SUCLG1: variants seen among roughly 807,000 people sequenced by gnomAD.
SUCLG1 encodes succinate--CoA ligase [ADP/GDP-forming] subunit alpha, mitochondrial.
Under a neutral mutation model 37.3 loss-of-function variants are expected in SUCLG1, and 26 were observed. That is an observed-to-expected ratio of 0.70 (90% CI 0.51 to 0.97). The LOEUF is 0.97. Among genes scored for constraint, SUCLG1 ranks in the 50% least tolerant of loss-of-function variants. The pLI is 0.00. For missense variants in SUCLG1, 433 were observed against 432.9 expected, an observed-to-expected ratio of 1.00 and a Z score of 0.00; for synonymous variants, 163 against 155.6, an observed-to-expected ratio of 1.05 and a Z score of -0.36.
chr2:84,433,939 C>T (rs1189452931), intron 5 of SUCLG1, among the ~76,000 whole-genome samples: 1 of 152,086 alleles, frequency 6.6e-6, no homozygotes, highest in Non-Finnish European at 1.5e-5. Flanking sequence ...GCTTAGTGAC[C>T]TCTCCATGGT....
chr2:84,458,184 T>C (rs1398814406), intron 1 of SUCLG1, among the ~76,000 whole-genome samples: 5 of 152,028 alleles, frequency 3.3e-5, no homozygotes, highest in African/African-American at 1.2e-4. Flanking sequence ...TTTTTCACTT[T>C]TTAAAAAACC....
intron 7 of SUCLG1, among the ~76,000 whole-genome samples, chr2:84,429,549 C>G (rs991130900): frequency 1.3e-5 from 2 of 152,068 alleles, no homozygotes; most frequent in African/African-American, 2.4e-5. Context: ...CAGTCCATAA[C>G]ACAGTCTAGA....
At chr2:84,451,954 C>T (rs1025902622) in intron 1 of SUCLG1, among the ~76,000 whole-genome samples, 5 of 152,138 alleles carry the variant, frequency 3.3e-5, no homozygotes, top group African/African-American at 1.2e-4. Context: ...GATCACATTC[C>T]ATCCTGACAA....
chr2:84,425,224 A>G (rs1672514412), intron 8 of SUCLG1, among the ~76,000 whole-genome samples, 191 bp downstream of exon 8: 2 of 152,378 alleles, frequency 1.3e-5, no homozygotes, highest in East Asian at 1.9e-4. Context: ...GCTTTAAAAT[A>G]AGAACATTAT....
intron 1 of SUCLG1, among the ~76,000 whole-genome samples, chr2:84,454,431 C>A (rs1000298999): frequency 6.6e-6 from 1 of 152,152 alleles, no homozygotes; most frequent in African/African-American, 2.4e-5. Context: ...ACAGATACAG[C>A]AAGTGTTATA....
chr2:84,428,844 A>G (rs573017413), intron 7 of SUCLG1, among the ~76,000 whole-genome samples: 1 of 152,300 alleles, frequency 6.6e-6, no homozygotes, highest in Non-Finnish European at 1.5e-5. Context: ...AACTCCTTCA[A>G]TCTGACACCT....
At chr2:84,426,347 T>A (rs1672535637) in intron 7 of SUCLG1, 1 of 148,984 alleles carries the variant, frequency 6.7e-6, no homozygotes, top group Non-Finnish European at 1.5e-5. Flanking sequence ...AGAAATAATA[T>A]AAAATATGTA....
At chr2:84,457,817 G>T (rs1673046861) in intron 1 of SUCLG1, among the ~76,000 whole-genome samples, 1 of 152,064 alleles carries the variant, frequency 6.6e-6, no homozygotes, top group Non-Finnish European at 1.5e-5. Context: ...TGGGTATAAT[G>T]AATTCTTTTT....
In SUCLG1 at chr2:84,459,210, G is replaced by A. The variant is rs938115007; in HGVS notation, c.60C>T (p.Gly20=). 3.2e-6 allele frequency: 5 copies of A among 1,550,010 alleles called. No homozygotes were observed. In the South Asian group the frequency reaches 3.6e-5, roughly 11 times the overall value. ...DIATMVSGSS[G]LAAARLLSRS... is the part of the protein sequence containing the mutation. ...GCGACAGGAGACGGGCGGCGGCGAG[G>A]CCGCTGCTGCCGGAGACCATGGTAG... The change falls in exon 1 of 9, where the codon GGC becomes GGT. Residue 20 remains glycine, a synonymous_variant. Coordinates refer to ENST00000393868, the MANE Select transcript of SUCLG1 (RefSeq NM_003849.4).
intron 1 of SUCLG1, among the ~76,000 whole-genome samples, chr2:84,454,589 T>C (rs1160559693): frequency 1.3e-5 from 2 of 152,098 alleles, no homozygotes; most frequent in Non-Finnish European, 1.5e-5. Context: ...CCACATGAAG[T>C]TTCCTGCCCT....
chr2:84,458,806 G>C (rs1673085268), intron 1 of SUCLG1, among the ~76,000 whole-genome samples: 1 of 152,086 alleles, frequency 6.6e-6, no homozygotes, highest in Non-Finnish European at 1.5e-5. Flanking sequence ...TCCCCACCAA[G>C]TTCACCTTGG....
intron 5 of SUCLG1, among the ~76,000 whole-genome samples, chr2:84,435,997 A>G (rs1191479170): frequency 6.6e-6 from 1 of 152,178 alleles, no homozygotes; most frequent in Middle Eastern, 3.2e-3. Context: ...CTCTTGGTTG[A>G]ATTTTTTCTT....
chr2:84,444,347 G>A (rs970311541), intron 2 of SUCLG1, among the ~76,000 whole-genome samples: 4 of 152,172 alleles, frequency 2.6e-5, no homozygotes, highest in Non-Finnish European at 5.9e-5. Flanking sequence ...CTGGGTGTCC[G>A]GGGAAGACAT....
At chr2:84,450,412 G>GA (rs79027896) in intron 1 of SUCLG1, among the ~76,000 whole-genome samples, 1,684 of 103,354 alleles carry the variant, frequency 0.016, 16 homozygotes, top group Middle Eastern at 0.044. Flanking sequence ...AGCTTGTTAG[G>GA]AAAAAAAAAA....
chr2:84,433,474 C>A, intron 5 of SUCLG1, 39 bp from the exon 6 acceptor site: 2 of 1,540,242 alleles, frequency 1.3e-6, no homozygotes, highest in Non-Finnish European at 1.8e-6. Flanking sequence ...GATTGTGTTT[C>A]TATGTTAGAC....
rs769660782 is a variant in SUCLG1 at position 84,441,062 on chromosome 2, T to C, written c.574A>G (p.Lys192Glu). 1 of 1,614,176 alleles carries C rather than the reference T, an allele frequency of 6.2e-7. No homozygotes were observed. The highest frequency in any genetic ancestry group is 1.1e-5 in the South Asian group (1 of 91,086). The change falls in exon 5 of 9, where the codon AAA becomes GAA. Residue 192 changes from lysine (K) to glutamate (E), a missense_variant. Transcript: ENST00000393868. ...KIGIMPGHIH[K>E]KGRIGIVSRS... ...ACAAACTCACCAATCCTTCCTTTTT[T>C]GTGAATATGGCCAGGCATGATGCCA... is the stretch of plus-strand genomic sequence containing the variant.
At chr2:84,456,961 C>T (rs1206361733) in intron 1 of SUCLG1, among the ~76,000 whole-genome samples, 1 of 152,086 alleles carries the variant, frequency 6.6e-6, no homozygotes, top group Admixed American at 6.6e-5. Flanking sequence ...CGTGCCAGGC[C>T]ACTTTTCCTT....
intron 1 of SUCLG1, among the ~76,000 whole-genome samples, chr2:84,451,346 C>G (rs568612462): frequency 6.6e-6 from 1 of 152,302 alleles, no homozygotes; most frequent in East Asian, 1.9e-4. Context: ...ATTATAAGAT[C>G]AGATGTTATG....
At chr2:84,447,692 T>A (rs775856380) in intron 2 of SUCLG1, among the ~76,000 whole-genome samples, 15 of 152,158 alleles carry the variant, frequency 9.9e-5, no homozygotes, top group Admixed American at 2.6e-4. Context: ...TTAGAATGTA[T>A]ATAAGGGAAG....
Sources: gnomAD v4.1 joint callset for allele counts (sites outside exome capture counted in the v4.1 genomes callset) on GRCh38, gnomAD v4.1.1 for gene constraint, MANE v1.5 for transcripts, NCBI Gene and HGNC (gene_info 2026-07-23, HGNC 2026-07-21) for gene names.